CTDP1: variants seen among roughly 807,000 people sequenced by gnomAD.
The protein encoded by CTDP1 is RNA polymerase II subunit A C-terminal domain phosphatase.
Under a neutral mutation model 91.8 loss-of-function variants are expected in CTDP1, and 47 were observed. That is an observed-to-expected ratio of 0.51 (90% confidence interval 0.41 to 0.65). CTDP1 has a LOEUF of 0.65. Ranked by LOEUF, CTDP1 falls within the 30% of genes least tolerant of loss-of-function variation. The pLI is 0.00. For missense variants in CTDP1, 1,272 were observed against 1,373.7 expected, an observed-to-expected ratio of 0.93 and a Z score of 1.17; for synonymous variants, 656 against 598.5, an observed-to-expected ratio of 1.10 and a Z score of -1.40.
downstream of CTDP1, chr18:79,755,941 T>TG (rs1555687071): frequency 6.6e-6 from 1 of 152,230 alleles, no homozygotes; most frequent in Non-Finnish European, 1.5e-5. Flanking sequence ...CCCTGGGTGT[T>TG]CGCCTGTTCT....
At position 79,715,526 on chromosome 18, in the gene CTDP1, C is replaced by T. The variant is rs772510890; in HGVS notation, c.2066C>T (p.Ala689Val). The change falls in exon 8 of 13, where the codon GCT (alanine) becomes GTT (valine). Residue 689 changes from alanine to valine, a missense_variant and splice_region_variant. Ala to Val is a moderately conservative substitution (Grantham distance 64). Around this residue, in one of 3 missense-constraint regions of CTDP1, gnomAD observed 881 missense variants for 911.6 expected, o/e 0.97. Transcript: ENST00000613122. ...DRATHLIAAR[A>V]GTEKVLQAQE... ...GCCACGCACCTGATCGCCGCGCGAG[C>T]TGGTGAGTGCTGCCTCCCTGTGCCC... is the stretch of plus-strand genomic sequence containing the variant. 13 of 1,547,406 alleles carry T rather than the reference C, an allele frequency of 8.4e-6. No homozygotes were observed. The South Asian group carries it at 1.3e-4, about 15-fold the overall frequency.
chr18:79,681,436 A>G, intron 1 of CTDP1: 1 of 984,902 alleles, frequency 1.0e-6, no homozygotes. Context: ...CCCTGGACAG[A>G]AAACCCCAGG....
At chr18:79,685,767 C>T (rs1332802897) in intron 1 of CTDP1, among the ~76,000 whole-genome samples, 2 of 152,176 alleles carry the variant, frequency 1.3e-5, no homozygotes, top group African/African-American at 2.4e-5. Context: ...AGTGCACGAA[C>T]GTCGTCACCT....
At chr18:79,692,274 GC>G (rs1391275710) in intron 1 of CTDP1, among the ~76,000 whole-genome samples, 1 of 152,012 alleles carries the variant, frequency 6.6e-6, no homozygotes, top group African/African-American at 2.4e-5. Context: ...GCTGGAAGGT[GC>G]CCCCCGCCCG....
chr18:79,745,080 A>T (rs969213023), intron 12 of CTDP1, among the ~76,000 whole-genome samples: 1 of 152,148 alleles, frequency 6.6e-6, no homozygotes, highest in Non-Finnish European at 1.5e-5. Flanking sequence ...TGGGGTGGGG[A>T]ATCAGAAGGT....
At position 79,717,517 on chromosome 18, in the gene CTDP1, C is replaced by T; in HGVS notation, c.2069-18C>T. On this transcript the variant is annotated intron_variant, in intron 8 of 12. Transcript: ENST00000613122. Reference sequence around the variant, plus strand: ...CAGTGCTGGCCGGAACAGCCTGACGCAGCCGGGTCTCCTGCAGGCACAGAG... The same window carrying T: ...CAGTGCTGGCCGGAACAGCCTGACGTAGCCGGGTCTCCTGCAGGCACAGAG... The T allele has an allele frequency of 3.1e-6, 5 of 1,611,724 alleles. No individual in the cohort carries two copies. Among genetic ancestry groups the T allele is most frequent in the Non-Finnish European group, 4.2e-6 (5 of 1,179,764 alleles).
intron 12 of CTDP1, among the ~76,000 whole-genome samples, chr18:79,737,047 G>A (rs376416098): frequency 9.2e-5 from 14 of 152,340 alleles, no homozygotes; most frequent in African/African-American, 2.9e-4. Flanking sequence ...GTCCCCCGCC[G>A]GTGACAGTGG....
intron 4 of CTDP1, among the ~76,000 whole-genome samples, chr18:79,701,237 G>A (rs1208266828): frequency 1.1e-4 from 16 of 152,084 alleles, no homozygotes; most frequent in South Asian, 2.1e-4. Context: ...CTGGCCAGGC[G>A]CGGTGGCTCA....
chr18:79,692,284 C>T (rs1448250057), intron 1 of CTDP1, among the ~76,000 whole-genome samples: 3 of 152,068 alleles, frequency 2.0e-5, no homozygotes, highest in Non-Finnish European at 4.4e-5. Flanking sequence ...GCCCCCCGCC[C>T]GCCATGGAGT....
intron 1 of CTDP1, among the ~76,000 whole-genome samples, chr18:79,684,807 G>C (rs2085451279): frequency 6.6e-6 from 1 of 152,202 alleles, no homozygotes; most frequent in South Asian, 2.1e-4. Flanking sequence ...GTATGTTTTT[G>C]TCGGGCTTCA....
At chr18:79,741,181 G>C (rs1599310139) in intron 12 of CTDP1, among the ~76,000 whole-genome samples, 1 of 138,148 alleles carries the variant, frequency 7.2e-6, no homozygotes, top group Non-Finnish European at 1.6e-5. Context: ...GTTGGGTGAG[G>C]TCCCCGTGCG....
intron 10 of CTDP1, among the ~76,000 whole-genome samples, chr18:79,726,896 TGGC>T (rs1568206110): frequency 4.8e-5 from 2 of 41,734 alleles, no homozygotes; most frequent in African/African-American, 1.3e-4. Context: ...TGCTGGTGGA[TGGC>T]TGTCGGGGTG....
In CTDP1 at chr18:79,697,902, C is replaced by G. The variant is rs771539643; in HGVS notation, c.535C>G (p.Arg179Gly). 21 of 1,614,192 alleles carry G rather than the reference C, an allele frequency of 1.3e-5. No homozygotes were observed. Among genetic ancestry groups the G allele is most frequent in the Admixed American group, 5.0e-5 (3 of 60,022 alleles). Residue 179 changes from arginine to glycine, a missense_variant, in exon 4 of 13, where the codon CGA becomes GGA. Coordinates refer to ENST00000613122, the MANE Select transcript of CTDP1 (RefSeq NM_004715.5). ...LGREDQQRLHRNRKLVLMVDL... is the reference protein window; with the variant it reads ...LGREDQQRLHGNRKLVLMVDL... The stretch of plus-strand genomic sequence containing the variant: ...AAGAGAAGACCAGCAGCGACTGCAC[C>G]GAAACCGGAAGCTGGTGCTCATGGT...
At chr18:79,751,669 G>A (rs1005951608) in intron 12 of CTDP1, among the ~76,000 whole-genome samples, 2 of 152,132 alleles carry the variant, frequency 1.3e-5, no homozygotes, top group African/African-American at 4.8e-5. Flanking sequence ...TATTAGCCTC[G>A]AGTGCATGTG....
Position 79,698,086 on chromosome 18 carries a change from G to T in CTDP1, c.621+98G>T. Reference sequence around the variant, plus strand: ...TCTCTTGTTTTTTAGATGATTTCCCGTAGGTCAGCCTGGGTTTGGAAAGCA... The same window carrying T: ...TCTCTTGTTTTTTAGATGATTTCCCTTAGGTCAGCCTGGGTTTGGAAAGCA... On this transcript the variant is annotated intron_variant, in intron 4 of 12. Coordinates refer to ENST00000613122, the MANE Select transcript of CTDP1 (RefSeq NM_004715.5). The T allele has an allele frequency of 5.9e-6, 9 of 1,525,030 alleles. No homozygotes were observed. In the Middle Eastern group the frequency reaches 8.5e-4, roughly 143 times the overall value. The allele number at this position is 1,525,030 out of a possible 1,614,324, so 94.5% of individuals were successfully genotyped here.
chr18:79,714,907 G>A lies in CTDP1; in HGVS notation c.1447G>A (p.Gly483Ser). Residue 483 changes from glycine (G) to serine (S), a missense_variant, in exon 8 of 13, where the codon GGC (glycine) becomes AGC (serine). Transcript: ENST00000613122. The stretch of plus-strand genomic sequence containing the variant: ...TGATGGCGAAAGCGAGGGGAAAAGA[G>A]GCCGGCAGAAGCCGAAGGCTGCCCC... ...ASDGESEGKR[G>S]RQKPKAAPEG... is the part of the protein sequence containing the mutation. The A allele has an allele frequency of 2.5e-6, 4 of 1,569,692 alleles. No homozygotes were observed. The East Asian group carries it at 9.3e-5, about 36-fold the overall frequency.
chr18:79,743,834 G>A (rs2086829453), intron 12 of CTDP1, among the ~76,000 whole-genome samples: 2 of 152,214 alleles, frequency 1.3e-5, no homozygotes, highest in African/African-American at 4.8e-5. Context: ...GATCATACAA[G>A]TGTGAAAGGA....
downstream of CTDP1, chr18:79,754,984 G>C (rs1048336785): frequency 1.3e-5 from 2 of 152,290 alleles, no homozygotes; most frequent in Admixed American, 6.5e-5. Context: ...CACAGCTCGG[G>C]AGGTGGCACG....
intron 12 of CTDP1, among the ~76,000 whole-genome samples, chr18:79,742,035 G>GCTCC (rs1281473690): frequency 1.3e-5 from 2 of 152,174 alleles, no homozygotes; most frequent in Non-Finnish European, 2.9e-5. Context: ...AGGAAATGCC[G>GCTCC]GGAGCAGGGC....
Sources: gnomAD v4.1 joint callset for allele counts (sites outside exome capture counted in the v4.1 genomes callset) on GRCh38, gnomAD v4.1.1 for gene constraint, gnomAD v4.1.1 regional missense constraint, MANE v1.5 for transcripts, NCBI Gene and HGNC (gene_info 2026-07-23, HGNC 2026-07-21) for gene names.